SPEF2: variants seen among roughly 807,000 people sequenced by gnomAD.
SPEF2 encodes sperm flagella and cilia-associated protein 2.
A neutral mutation model predicts 224.6 loss-of-function variants in SPEF2; 187 were observed. That is an observed-to-expected ratio of 0.83 (90% CI 0.74 to 0.94). The LOEUF is 0.94. Ranked by LOEUF, SPEF2 falls within the 40% of genes least tolerant of loss-of-function variation. SPEF2 has a pLI of 0.00. For missense variants in SPEF2, 2,170 were observed against 2,135.6 expected, an observed-to-expected ratio of 1.02 and a Z score of -0.32; for synonymous variants, 715 against 707.3, an observed-to-expected ratio of 1.01 and a Z score of -0.17.
chr5:35,645,149 T>A (rs1397633936), intron 4 of SPEF2, among the ~76,000 whole-genome samples: 3 of 152,222 alleles, frequency 2.0e-5, no homozygotes, highest in South Asian at 4.1e-4. Context: ...TAAAGATTTT[T>A]AAGAGTATTT....
intron 25 of SPEF2, among the ~76,000 whole-genome samples, chr5:35,761,500 T>C (rs1007908682): frequency 1.3e-5 from 2 of 152,206 alleles, no homozygotes; most frequent in Admixed American, 1.3e-4. Context: ...GAACACATTA[T>C]TTTATGCAGC....
rs1341501484 is a variant in SPEF2 at position 35,664,347 on chromosome 5, GGGAA to G, written c.1168-2712_1168-2709del. 7.9e-4 allele frequency among the ~76,000 whole-genome samples: 119 copies of G among 150,640 alleles called. 1 individual carries two copies. The highest frequency in any genetic ancestry group is 2.7e-3 in the African/African-American group (111 of 41,062). ...GAAAAGAAAGGGAAAAGAGAGACGA[GGGAA>G]GGAAGGAAGGAAAGAAGGAAGGAAG... On this transcript the variant is annotated intron_variant, in intron 8 of 36. Transcript: ENST00000356031.
chr5:35,710,838 T>C (rs1415333677), intron 19 of SPEF2: 1 of 985,268 alleles, frequency 1.0e-6, no homozygotes, highest in Non-Finnish European at 1.2e-6. Context: ...AATAAATCTA[T>C]TGTTGCTTTA....
intron 10 of SPEF2, chr5:35,670,522 G>A: frequency 8.7e-6 from 9 of 1,033,806 alleles, no homozygotes; most frequent in South Asian, 4.4e-5. Flanking sequence ...TTATTTATTA[G>A]CATTTTTCTT....
chr5:35,628,767 T>G (rs1298507286), intron 2 of SPEF2, among the ~76,000 whole-genome samples: 2 of 151,888 alleles, frequency 1.3e-5, no homozygotes, highest in Non-Finnish European at 2.9e-5. Flanking sequence ...AATTTTTGTA[T>G]TTTTGGTGTA....
intron 10 of SPEF2, among the ~76,000 whole-genome samples, chr5:35,681,481 T>G (rs1752791998): frequency 6.6e-6 from 1 of 152,190 alleles, no homozygotes; most frequent in Admixed American, 6.5e-5. Flanking sequence ...AAGATGGTAA[T>G]TATAGACATG....
chr5:35,793,342 G>T lies in SPEF2; in HGVS notation c.4737+1G>T, dbSNP rs1383978083. On this transcript the variant is annotated splice_donor_variant, in intron 32 of 36. Coordinates refer to ENST00000356031, the MANE Select transcript of SPEF2 (RefSeq NM_024867.4). LOFTEE classifies it high-confidence loss of function. ...CATCACTTTTGAGCAGTATATGCAG[G>T]TTGTTACCAGCACCTGATGGCATTG... 1 of 1,608,782 alleles carries T rather than the reference G, an allele frequency of 6.2e-7. No homozygotes were observed. The highest frequency in any genetic ancestry group is 8.5e-7 in the Non-Finnish European group (1 of 1,178,366).
chr5:35,766,204 G>A (rs1158314926), intron 26 of SPEF2, among the ~76,000 whole-genome samples: 1 of 151,932 alleles, frequency 6.6e-6, no homozygotes, highest in Non-Finnish European at 1.5e-5. Flanking sequence ...GTGGAAGTTG[G>A]GATTATTTCT....
At chr5:35,660,691 G>T (rs1235140295) in intron 8 of SPEF2, among the ~76,000 whole-genome samples, 1 of 152,182 alleles carries the variant, frequency 6.6e-6, no homozygotes, top group Non-Finnish European at 1.5e-5. Context: ...TGACTAGACT[G>T]AGTGGCATTT....
chr5:35,660,979 A>G (rs368120471), intron 8 of SPEF2, among the ~76,000 whole-genome samples: 7 of 152,122 alleles, frequency 4.6e-5, no homozygotes, highest in East Asian at 3.9e-4. Context: ...CAGCGGAGCT[A>G]TCTAGTTCCT....
chr5:35,670,295 G>A, intron 10 of SPEF2, 68 bp downstream of exon 10: 1 of 1,500,986 alleles, frequency 6.7e-7, no homozygotes. Context: ...TTAATTTTGT[G>A]ATATTCCTTA....
chr5:35,768,914 C>G (rs1752434313), intron 26 of SPEF2, among the ~76,000 whole-genome samples: 1 of 152,092 alleles, frequency 6.6e-6, no homozygotes, highest in Non-Finnish European at 1.5e-5. Context: ...CAGGAGCTAT[C>G]CATTTAGTAG....
chr5:35,713,433 A>G (rs1002570117), intron 20 of SPEF2, among the ~76,000 whole-genome samples: 3 of 151,980 alleles, frequency 2.0e-5, no homozygotes, highest in African/African-American at 4.8e-5. Flanking sequence ...TAATTTATAA[A>G]CAATTAAAAA....
intron 16 of SPEF2, chr5:35,702,140 A>G (rs1738765926): frequency 6.6e-6 from 3 of 455,610 alleles, no homozygotes; most frequent in Admixed American, 2.4e-5. Context: ...GTGTCATCCA[A>G]TCCCCCTTCC....
At position 35,655,595 on chromosome 5, in the gene SPEF2, A is replaced by G. The variant is rs185397099; in HGVS notation, c.978+869A>G. On this transcript the variant is annotated intron_variant, in intron 7 of 36. Coordinates refer to ENST00000356031, the MANE Select transcript of SPEF2 (RefSeq NM_024867.4). ...GACAATAGCAGAAGCATGGATAAAG[A>G]GTCAGGAGTTAGCTAATTGAAGGTG... 1.1e-4 allele frequency among the ~76,000 whole-genome samples: 17 copies of G among 152,310 alleles called. No homozygotes were observed. In the East Asian group the frequency reaches 2.7e-3, roughly 24 times the overall value.
At chr5:35,810,140 G>A (rs1211877175) in intron 36 of SPEF2, among the ~76,000 whole-genome samples, 1 of 152,124 alleles carries the variant, frequency 6.6e-6, no homozygotes, top group Non-Finnish European at 1.5e-5. Context: ...GCCAACAGAT[G>A]GCTACCTTCA....
chr5:35,674,667 G>A (rs34682820), intron 10 of SPEF2, among the ~76,000 whole-genome samples: 52,406 of 151,330 alleles, frequency 0.35, 9,844 homozygotes, highest in South Asian at 0.45. Context: ...TGAGAATGAT[G>A]GTTTACGAAA....
chr5:35,800,174 C>G (rs1401139663), intron 34 of SPEF2, 27 bp downstream of exon 34: 3 of 1,610,516 alleles, frequency 1.9e-6, no homozygotes, highest in Non-Finnish European at 2.5e-6. Context: ...AATAGACTAA[C>G]TATAGAGTCT....
intron 26 of SPEF2, among the ~76,000 whole-genome samples, chr5:35,771,106 C>T (rs1752787703): frequency 1.3e-5 from 2 of 151,354 alleles, no homozygotes; most frequent in Admixed American, 1.3e-4. Context: ...ACACCCAGAA[C>T]ATAAACAAAT....
Sources: allele counts gnomAD v4.1 joint callset (sites outside exome capture counted in the v4.1 genomes callset), GRCh38; gene constraint gnomAD v4.1.1; transcripts MANE v1.5; gene names NCBI Gene and HGNC (gene_info 2026-07-23, HGNC 2026-07-21).